OPA3: variants seen among roughly 807,000 people sequenced by gnomAD.
The protein encoded by OPA3 is outer mitochondrial membrane lipid metabolism regulator OPA3.
OPA3 carries 6 observed loss-of-function variants against 4.0 expected under a neutral mutation model. The observed-to-expected ratio is 1.51, with a 90% CI of 0.83 to 2.99. The LOEUF (loss-of-function observed/expected upper bound fraction) is 2.99, where lower values mean the gene tolerates loss of function less well. OPA3 is among the 30% of genes most tolerant of loss of function. OPA3 has a pLI of 0.00. For missense variants in OPA3, 235 were observed against 256.2 expected (o/e 0.92, Z 0.56); for synonymous variants, 105 against 117.1 (o/e 0.90, Z 0.67).
At position 45,584,786 on chromosome 19, in the gene OPA3, G is replaced by C. The variant is rs201065312; in HGVS notation, c.-22C>G. 2 of 1,612,622 alleles carry C rather than the reference G, an allele frequency of 1.2e-6. No homozygotes were observed. The highest frequency in any genetic ancestry group is 2.7e-5 in the African/African-American group (2 of 74,912). On this transcript the variant is annotated 5_prime_UTR_variant, in exon 1 of 2. Coordinates refer to ENST00000263275, the MANE Select transcript of OPA3 (RefSeq NM_025136.4). ...CCATCTTGGCGGTCTCACAGGGCAC[G>C]CGCAACCTTGCTGACTGGGCGGGGC... is the stretch of plus-strand genomic sequence containing the variant.
intron 1 of OPA3, among the ~76,000 whole-genome samples, chr19:45,537,606 A>C (rs891019223): frequency 2.6e-5 from 4 of 151,768 alleles, no homozygotes; most frequent in Non-Finnish European, 4.4e-5. Context: ...CTTGACTCAC[A>C]AAAGAGGATG....
At chr19:45,543,158 T>C (rs938133277), downstream of OPA3, among the ~76,000 whole-genome samples, 24 of 151,002 alleles carry the variant, frequency 1.6e-4, no homozygotes, top group African/African-American at 5.1e-4. Context: ...TACAGGAGCA[T>C]GACACCATGC....
downstream of OPA3, among the ~76,000 whole-genome samples, chr19:45,542,267 T>TGGA (rs35994641): frequency 0.7 from 106,272 of 151,686 alleles, 37,602 homozygotes; most frequent in South Asian, 0.87. Context: ...AATGACTGTG[T>TGGA]GGAGGAGGGC....
chr19:45,540,640 C>A (rs901486437), intron 1 of OPA3, among the ~76,000 whole-genome samples: 7 of 149,134 alleles, frequency 4.7e-5, no homozygotes, highest in African/African-American at 1.2e-4. Context: ...CTGAGGCGGG[C>A]GGATCACCTG....
In OPA3 at chr19:45,553,613, G is replaced by A. The variant is rs1049255184; in HGVS notation, c.441C>T (p.Gly147=). ...QAQVQAAPPQ[G]ALEELRTELQ... is the part of the protein sequence containing the mutation. ...GCTCTGTGCGCAGTTCCTCCAGGGC[G>A]CCCTGTGGCGGCGCCGCCTGCACCT... Residue 147 remains glycine (G), a synonymous_variant, in exon 2 of 2, where the codon GGC becomes GGT. Coordinates refer to ENST00000263275, the MANE Select transcript of OPA3 (RefSeq NM_025136.4). The A allele has an allele frequency of 6.2e-7, 1 of 1,609,072 alleles. No homozygotes were observed.
In OPA3 at chr19:45,546,717, ATGCAGTAGTGCAATCTTGGCTCAC is replaced by A. The variant is rs1298807590; in HGVS notation, c.*6773_*6796del. 1 of 152,126 alleles carries A rather than the reference ATGCAGTAGTGCAATCTTGGCTCAC, an allele frequency of 6.6e-6. No individual in the cohort carries two copies. Among genetic ancestry groups the A allele is most frequent in the Admixed American group, 6.6e-5 (1 of 15,214 alleles). 9.4% of individuals were successfully genotyped at this position (152,126 alleles called of 1,614,324 possible). A position where few individuals can be genotyped will look rare whatever the true frequency, so the allele number is the denominator to read the frequency against. On this transcript the variant is annotated 3_prime_UTR_variant, in exon 2 of 2. Coordinates refer to ENST00000263275, the MANE Select transcript of OPA3 (RefSeq NM_025136.4). ...GTCTCACTCTGGCACCTAGGCTGGA[ATGCAGTAGTGCAATCTTGGCTCAC>A]TGCAACGTCCACCTCCTGGGCTCAA...
At chr19:45,573,333 C>T (rs1969716755) in intron 1 of OPA3, among the ~76,000 whole-genome samples, 1 of 152,094 alleles carries the variant, frequency 6.6e-6, no homozygotes, top group African/African-American at 2.4e-5. Context: ...TGCCTGTAAT[C>T]TCAGCTACTC....
rs116771620 is a variant in OPA3 at position 45,574,940 on chromosome 19, A to G, written c.142+9683T>C. 1.5e-3 allele frequency among the ~76,000 whole-genome samples: 232 copies of G among 152,196 alleles called. 1 individual carries two copies. The highest frequency in any genetic ancestry group is 5.3e-3 in the African/African-American group (219 of 41,530). On this transcript the variant is annotated intron_variant, in intron 1 of 1. Coordinates refer to ENST00000263275, the MANE Select transcript of OPA3 (RefSeq NM_025136.4). ...AGGCCCAGAGGCTACGCTGAGAGGG[A>G]ACCAACTCCCCAGTCCCAGTGCCAG...
chr19:45,531,904 G>C (rs1350511717), intron 1 of OPA3, among the ~76,000 whole-genome samples: 1 of 152,186 alleles, frequency 6.6e-6, no homozygotes, highest in Non-Finnish European at 1.5e-5. Context: ...TGTCTGCTCA[G>C]TAAAGGATTA....
chr19:45,550,112 T>G lies in OPA3; in HGVS notation c.*3402A>C. Reference sequence around the variant, plus strand: ...GGTAGAAGTTGCAGTGAGCCGAGATTGCACCACTGCACTCCGTCAGGGTGA... The same window carrying G: ...GGTAGAAGTTGCAGTGAGCCGAGATGGCACCACTGCACTCCGTCAGGGTGA... On this transcript the variant is annotated 3_prime_UTR_variant, in exon 2 of 2. Transcript: ENST00000263275. The G allele has an allele frequency of 1.4e-6, 1 of 710,192 alleles. No homozygotes were observed. The highest frequency in any genetic ancestry group is 1.7e-6 in the Non-Finnish European group (1 of 579,100). The allele number at this position is 710,192 out of a possible 1,614,324, so 44.0% of individuals were successfully genotyped here.
At position 45,552,219 on chromosome 19, in the gene OPA3, G is replaced by GTT. The variant is rs74313320; in HGVS notation, c.*1293_*1294dup. 3.0e-6 allele frequency: 3 copies of GTT among 984,410 alleles called. No individual in the cohort carries two copies. The highest frequency in any genetic ancestry group is 2.4e-6 in the Non-Finnish European group (2 of 829,408). 61.0% of individuals were successfully genotyped at this position (984,410 alleles called of 1,614,324 possible). ...GACTGCAGGCCAGGACCTTTTGTGG[G>GTT]TTTTTTTAAGATGGAGTTTTGCTCG... On this transcript the variant is annotated 3_prime_UTR_variant, in exon 2 of 2. Coordinates refer to ENST00000263275, the MANE Select transcript of OPA3 (RefSeq NM_025136.4).
At chr19:45,538,616 G>T (rs947828204) in intron 1 of OPA3, among the ~76,000 whole-genome samples, 1 of 151,956 alleles carries the variant, frequency 6.6e-6, no homozygotes, top group African/African-American at 2.4e-5. Context: ...CCAGTTACTT[G>T]GGAGGCTGAG....
At chr19:45,584,011 C>A (rs1969894283) in intron 1 of OPA3, among the ~76,000 whole-genome samples, 1 of 152,188 alleles carries the variant, frequency 6.6e-6, no homozygotes, top group Non-Finnish European at 1.5e-5. Context: ...GGCGTATGAG[C>A]GCATTAATGA....
chr19:45,529,025 G>T, exon 2 of OPA3: 1 of 1,588,684 alleles, frequency 6.3e-7, no homozygotes, highest in Non-Finnish European at 8.6e-7. Flanking sequence ...CCAGACAGCA[G>T]TCACCTCCAA....
At chr19:45,575,638 GCT>G (rs1326685139) in intron 1 of OPA3, among the ~76,000 whole-genome samples, 10 of 152,228 alleles carry the variant, frequency 6.6e-5, no homozygotes, top group Middle Eastern at 3.4e-3. Context: ...ACAGGGTCTT[GCT>G]CTGTCACCCA....
At chr19:45,581,305 G>A (rs1969851480) in intron 1 of OPA3, among the ~76,000 whole-genome samples, 1 of 152,140 alleles carries the variant, frequency 6.6e-6, no homozygotes, top group African/African-American at 2.4e-5. Flanking sequence ...CAAACTTACA[G>A]AGGGGGAAAA....
intron 1 of OPA3, among the ~76,000 whole-genome samples, chr19:45,529,823 T>A (rs1969039386): frequency 6.6e-6 from 1 of 152,164 alleles, no homozygotes. Flanking sequence ...CTCGAACTCC[T>A]GGGCTCAAGC....
downstream of OPA3, among the ~76,000 whole-genome samples, chr19:45,542,665 G>GTTT (rs59474391): frequency 6.9e-4 from 71 of 103,292 alleles, no homozygotes; most frequent in African/African-American, 1.1e-3. Context: ...CTGTTTTTTT[G>GTTT]TTTTTTTTTT....
At chr19:45,538,538 T>C (rs989043554) in intron 1 of OPA3, among the ~76,000 whole-genome samples, 11 of 151,984 alleles carry the variant, frequency 7.2e-5, no homozygotes, top group African/African-American at 2.7e-4. Flanking sequence ...CTGGCCAACA[T>C]GGTGAAACTA....
Sources: gnomAD v4.1 joint callset for allele counts (sites outside exome capture counted in the v4.1 genomes callset) on GRCh38, gnomAD v4.1.1 for gene constraint, MANE v1.5 for transcripts, NCBI Gene and HGNC (gene_info 2026-07-23, HGNC 2026-07-21) for gene names.